Variants in CARMIL1 observed in about 807,000 individuals in gnomAD.
CARMIL1 encodes F-actin-uncapping protein LRRC16A.
Under a neutral mutation model 177.1 loss-of-function variants are expected in CARMIL1, and 90 were observed. That is an observed-to-expected ratio of 0.51 (90% CI 0.43 to 0.61). The LOEUF (loss-of-function observed/expected upper bound fraction) is 0.61. Among genes scored for constraint, CARMIL1 ranks in the 20% least tolerant of loss-of-function variants. The pLI is 0.00. For missense variants in CARMIL1, 1,380 were observed against 1,667.0 expected (o/e 0.83, Z 3.00); for synonymous variants, 577 against 606.2 (o/e 0.95, Z 0.71).
intron 2 of CARMIL1, among the ~76,000 whole-genome samples, chr6:25,412,350 G>A (rs1231455355): frequency 6.6e-6 from 1 of 152,222 alleles, no homozygotes; most frequent in Admixed American, 6.5e-5. Context: ...GGGAGGCCGA[G>A]CTGGGAGGAT....
At position 25,447,086 on chromosome 6, in the gene CARMIL1, G is replaced by A. The variant is rs148508798; in HGVS notation, c.372-2812G>A. On this transcript the variant is annotated intron_variant, in intron 5 of 36. Transcript: ENST00000329474. ...GTTTGAGATATTGTGAGAATTACCA[G>A]AATGTGGCACAGAGACAGGAAGTGA... Among the ~76,000 whole-genome samples the A allele has an allele frequency of 6.5e-3, 990 of 152,316 alleles. 6 individuals carry two copies. Among genetic ancestry groups the A allele is most frequent in the African/African-American group, 0.022 (895 of 41,560 alleles).
At chr6:25,460,469 C>T (rs1014295449) in intron 8 of CARMIL1, among the ~76,000 whole-genome samples, 2 of 152,166 alleles carry the variant, frequency 1.3e-5, no homozygotes, top group African/African-American at 4.8e-5. Flanking sequence ...TTCTGGCTGT[C>T]ATGGTGGCTT....
Position 25,600,740 on chromosome 6 carries a change from G to A in CARMIL1, c.3546G>A (p.Ala1182=), listed in dbSNP as rs10456324. 0.44 allele frequency: 660,920 copies of A among 1,518,214 alleles called. 145,253 individuals are homozygous for A. Among genetic ancestry groups the A allele is most frequent in the Middle Eastern group, 0.46 (2,607 of 5,640 alleles). The allele number at this position is 1,518,214 out of a possible 1,614,324, so 94.0% of individuals were successfully genotyped here. ...KAKQEKRAAC[A]QKKLGNDAVS... ...AGCAAGAGAAGAGAGCTGCGTGTGC[G>A]CAGAAGGTAAGGGTGGACCTATTTT... Residue 1182 remains alanine, a synonymous_variant, in exon 33 of 37, where the codon GCG becomes GCA. Transcript: ENST00000329474.
intron 8 of CARMIL1, among the ~76,000 whole-genome samples, chr6:25,463,810 G>A: frequency 6.9e-6 from 1 of 144,766 alleles, no homozygotes; most frequent in Non-Finnish European, 1.5e-5. Context: ...TATTGAAAGA[G>A]TTGTTCTCCT....
chr6:25,448,916 CT>C (rs36000360), intron 5 of CARMIL1, among the ~76,000 whole-genome samples: 45,032 of 125,766 alleles, frequency 0.36, 5,486 homozygotes, highest in East Asian at 0.39. Context: ...AGGGATTCTT[CT>C]TTTTTTTTTT....
chr6:25,369,382 T>G, intron 2 of CARMIL1, among the ~76,000 whole-genome samples: 1 of 86,506 alleles, frequency 1.2e-5, no homozygotes, highest in Non-Finnish European at 3.3e-5. Flanking sequence ...GTATTTTGTT[T>G]TTTTTTTTTT....
intron 2 of CARMIL1, among the ~76,000 whole-genome samples, chr6:25,394,462 G>T (rs1280692673): frequency 6.6e-6 from 1 of 152,198 alleles, no homozygotes; most frequent in African/African-American, 2.4e-5. Context: ...AGTAAGCCTT[G>T]TTTGTTTGCT....
intron 2 of CARMIL1, among the ~76,000 whole-genome samples, chr6:25,388,666 T>A (rs911292776): frequency 3.9e-5 from 6 of 151,948 alleles, no homozygotes; most frequent in Non-Finnish European, 8.8e-5. Flanking sequence ...ACCTGGCCTT[T>A]TTTTATTTTA....
chr6:25,280,826 T>C (rs1290813203), intron 1 of CARMIL1, among the ~76,000 whole-genome samples: 1 of 152,168 alleles, frequency 6.6e-6, no homozygotes, highest in Admixed American at 6.5e-5. Context: ...CTTGGCACAC[T>C]ACACAGCCTA....
intron 15 of CARMIL1, among the ~76,000 whole-genome samples, chr6:25,494,003 G>A (rs1413129843): frequency 6.6e-6 from 1 of 150,724 alleles, no homozygotes. Context: ...TTCTCAAATA[G>A]TCTTCAATTG....
chr6:25,287,226 A>G (rs1781582808), intron 2 of CARMIL1, among the ~76,000 whole-genome samples: 1 of 152,180 alleles, frequency 6.6e-6, no homozygotes, highest in East Asian at 1.9e-4. Context: ...TATCTACAGT[A>G]CGCTTTTTGA....
At chr6:25,437,815 A>G (rs928718780) in intron 5 of CARMIL1, among the ~76,000 whole-genome samples, 1 of 152,176 alleles carries the variant, frequency 6.6e-6, no homozygotes, top group African/African-American at 2.4e-5. Flanking sequence ...TAAAAATATT[A>G]TCTTAATATC....
chr6:25,460,045 A>G (rs908763306), intron 8 of CARMIL1, among the ~76,000 whole-genome samples: 5 of 152,222 alleles, frequency 3.3e-5, no homozygotes, highest in African/African-American at 4.8e-5. Context: ...TAATATGACA[A>G]TGGCTGATGT....
intron 24 of CARMIL1, among the ~76,000 whole-genome samples, chr6:25,529,310 G>A (rs947338402): frequency 6.6e-6 from 1 of 151,664 alleles, no homozygotes; most frequent in African/African-American, 2.4e-5. Flanking sequence ...AAAAAATTCC[G>A]AGATTCTTTT....
At chr6:25,479,905 T>C (rs1274006842) in intron 11 of CARMIL1, among the ~76,000 whole-genome samples, 1 of 152,168 alleles carries the variant, frequency 6.6e-6, no homozygotes, top group Non-Finnish European at 1.5e-5. Context: ...TTTTGACTCT[T>C]TTGTTATTTA....
At chr6:25,587,037 A>G (rs557587698) in intron 31 of CARMIL1, among the ~76,000 whole-genome samples, 2,052 of 122,108 alleles carry the variant, frequency 0.017, 51 homozygotes, top group African/African-American at 0.055. Context: ...AGACTGGGGA[A>G]AGGGAGAGGG....
chr6:25,408,443 A>G (rs1318394889), intron 2 of CARMIL1, among the ~76,000 whole-genome samples: 1 of 148,144 alleles, frequency 6.8e-6, no homozygotes. Context: ...AGGCTTCCTG[A>G]TCATCATATC....
At chr6:25,462,406 T>C (rs920018216) in intron 8 of CARMIL1, among the ~76,000 whole-genome samples, 2 of 152,180 alleles carry the variant, frequency 1.3e-5, no homozygotes, top group Non-Finnish European at 2.9e-5. Flanking sequence ...CCTACCTCAC[T>C]AGGGCTTGTT....
chr6:25,388,546 A>G (rs1792413277), intron 2 of CARMIL1, among the ~76,000 whole-genome samples: 1 of 152,126 alleles, frequency 6.6e-6, no homozygotes, highest in Non-Finnish European at 1.5e-5. Flanking sequence ...CTGTATTTTT[A>G]GTAGAGACGG....
Sources: gnomAD v4.1 joint callset for allele counts (sites outside exome capture counted in the v4.1 genomes callset) on GRCh38, gnomAD v4.1.1 for gene constraint, MANE v1.5 for transcripts, NCBI Gene and HGNC (gene_info 2026-07-23, HGNC 2026-07-21) for gene names.